Variants in ELP4 observed in about 807,000 individuals in gnomAD.
The protein encoded by ELP4 is elongator complex protein 4.
ELP4 carries 51 observed loss-of-function variants against 48.9 expected under a neutral mutation model. That is an observed-to-expected ratio of 1.04 (90% CI 0.83 to 1.32). The LOEUF (loss-of-function observed/expected upper bound fraction) is 1.32. ELP4 is among the 40% of genes most tolerant of loss of function. The probability of loss-of-function intolerance (pLI) is 0.00; values close to 1 mark genes in which losing one functional copy is unlikely to be tolerated. For synonymous variants in ELP4, 210 were observed against 189.2 expected (o/e 1.11, Z -0.90); for missense variants, 519 against 514.6 (o/e 1.01, Z -0.08).
rs1249885555 is a variant in ELP4, at chr11:31,784,537, A to G, written c.*1013A>G. The G allele has an allele frequency of 6.6e-6, 1 of 152,194 alleles. No individual in the cohort carries two copies. The highest frequency in any genetic ancestry group is 1.5e-5 in the Non-Finnish European group (1 of 67,970). 9.4% of individuals were successfully genotyped at this position (152,194 alleles called of 1,614,324 possible). A position where few individuals can be genotyped will look rare whatever the true frequency, so the allele number is the denominator to read the frequency against. On this transcript the variant is annotated 3_prime_UTR_variant, in exon 10 of 10. Coordinates refer to ENST00000640961, the MANE Select transcript of ELP4 (RefSeq NM_019040.5). ...AAGTTGAAAAGTAACTTGCATATTT[A>G]AGAGTCTTGATTTTTTAAAAGGTGT...
chr11:31,640,746 T>TTCCAAC (rs1945077750), intron 7 of ELP4, among the ~76,000 whole-genome samples: 1 of 152,092 alleles, frequency 6.6e-6, no homozygotes, highest in Middle Eastern at 3.4e-3. Context: ...GGCTGAAAGC[T>TTCCAAC]TCCAAAGAGT....
intron 6 of ELP4, 73 bp downstream of exon 6, chr11:31,627,267 G>T: frequency 6.8e-6 from 1 of 146,678 alleles, no homozygotes. Flanking sequence ...GGGGGGGGGC[G>T]GGAACCCAGA....
At position 31,603,873 on chromosome 11, in the gene ELP4, G is replaced by C; in HGVS notation, c.619G>C (p.Glu207Gln). ...ASNWHGFFLPEKISSTLKVEP... is the reference protein window; with the variant it reads ...ASNWHGFFLPQKISSTLKVEP... ...AAATTGGCATGGATTTTTTCTTCCA[G>C]AGAAAATATCTTCAACTCTCAAAGT... The change falls in exon 5 of 10, where the codon GAG becomes CAG. Residue 207 changes from glutamate to glutamine, a missense_variant. Transcript: ENST00000640961. 6.2e-7 allele frequency: 1 copy of C among 1,611,720 alleles called. No homozygotes were observed. Among genetic ancestry groups the C allele is most frequent in the Non-Finnish European group, 8.5e-7 (1 of 1,178,430 alleles).
rs56921821 is a variant in ELP4, at chr11:31,553,725, A to AACACACACACACACACACACAC, written c.381+13961_381+13982dup. Among the ~76,000 whole-genome samples the AACACACACACACACACACACAC allele has an allele frequency of 3.5e-4, 49 of 140,500 alleles. 2 individuals carry two copies. Among genetic ancestry groups the AACACACACACACACACACACAC allele is most frequent in the African/African-American group, 1.3e-3 (47 of 37,532 alleles). The allele number at this position is 140,500 out of a possible 152,430, so 92.2% of individuals were successfully genotyped here. On this transcript the variant is annotated intron_variant, in intron 3 of 9. Transcript: ENST00000640961. ...TACAATAAATCTCTTTGCACACACAAACACACACACACACACACACACACA... is the reference window on the plus strand; with the variant it reads ...TACAATAAATCTCTTTGCACACACAAACACACACACACACACACACACACACACACACACACACACACACACA...
intron 9 of ELP4, among the ~76,000 whole-genome samples, chr11:31,752,193 A>G (rs936298036): frequency 2.2e-4 from 34 of 152,162 alleles, no homozygotes; most frequent in Non-Finnish European, 8.8e-5. Context: ...CTACTACTAG[A>G]TAAGATTTCT....
intron 3 of ELP4, among the ~76,000 whole-genome samples, chr11:31,545,492 C>T (rs1251965118): frequency 1.3e-5 from 2 of 151,792 alleles, no homozygotes; most frequent in African/African-American, 2.4e-5. Context: ...TGTGAAAAGA[C>T]CAAATCTACG....
chr11:31,638,096 A>AT (rs890196769), intron 7 of ELP4, among the ~76,000 whole-genome samples: 2 of 151,802 alleles, frequency 1.3e-5, no homozygotes, highest in Non-Finnish European at 2.9e-5. Context: ...TTCTCACAGC[A>AT]TTTTTTTCAA....
At chr11:31,724,813 A>G (rs943955822) in intron 9 of ELP4, among the ~76,000 whole-genome samples, 17 of 152,236 alleles carry the variant, frequency 1.1e-4, no homozygotes, top group Non-Finnish European at 2.1e-4. Context: ...TCCCTTACAT[A>G]TATCTTTGTG....
chr11:31,698,421 A>T (rs1017436788), intron 9 of ELP4, among the ~76,000 whole-genome samples: 10 of 151,414 alleles, frequency 6.6e-5, no homozygotes, highest in African/African-American at 2.2e-4. Flanking sequence ...CCATAGAAAA[A>T]TTTTTTTTTG....
intron 3 of ELP4, among the ~76,000 whole-genome samples, chr11:31,576,252 G>C (rs918151024): frequency 6.6e-6 from 1 of 152,146 alleles, no homozygotes; most frequent in African/African-American, 2.4e-5. Context: ...TATCCTAAAT[G>C]TATATGCACC....
chr11:31,539,779 T>C lies in ELP4; in HGVS notation c.377T>C (p.Leu126Ser), dbSNP rs1221926870. 1.2e-6 allele frequency: 2 copies of C among 1,607,112 alleles called. No homozygotes were observed. Among genetic ancestry groups the C allele is most frequent in the South Asian group, 2.3e-5 (2 of 88,722 alleles). The stretch of plus-strand genomic sequence containing the variant: ...GCTAAAGAGGATCCTGCCAACATTT[T>C]ACAGGTATAGAATATATGAACTTAA... ...ASAKEDPANI[L>S]QELPAPLLDD... Residue 126 changes from leucine to serine, a missense_variant, in exon 3 of 10, where the codon TTA becomes TCA. Physicochemically the swap from Leu to Ser is moderately radical, Grantham distance 145. Coordinates refer to ENST00000640961, the MANE Select transcript of ELP4 (RefSeq NM_019040.5).
At chr11:31,761,282 G>T (rs1000050445) in intron 9 of ELP4, among the ~76,000 whole-genome samples, 20 of 150,916 alleles carry the variant, frequency 1.3e-4, no homozygotes, top group Non-Finnish European at 2.6e-4. Flanking sequence ...AGGCTGCAGT[G>T]AGCCATGATT....
At position 31,715,036 on chromosome 11, in the gene ELP4, A is replaced by C. The variant is rs1161260292; in HGVS notation, c.1143+64815A>C. On this transcript the variant is annotated intron_variant, in intron 9 of 9. Transcript: ENST00000640961. ...ATTCTGCCTACCACACATTTCTTTC[A>C]TTTTTACTCATCAGTAACCACTATG... 1.1e-5 allele frequency: 4 copies of C among 375,830 alleles called. No individual in the cohort carries two copies. The East Asian group carries it at 1.5e-4, about 14-fold the overall frequency. The allele number at this position is 375,830 out of a possible 1,614,324, so 23.3% of individuals were successfully genotyped here.
intron 9 of ELP4, among the ~76,000 whole-genome samples, chr11:31,722,291 G>A (rs1291602150): frequency 1.3e-5 from 2 of 152,268 alleles, no homozygotes; most frequent in South Asian, 4.1e-4. Flanking sequence ...TAAGACTTGA[G>A]AATTCAGGAA....
intron 9 of ELP4, among the ~76,000 whole-genome samples, chr11:31,684,061 T>C (rs1434775804): frequency 6.6e-6 from 1 of 152,200 alleles, no homozygotes; most frequent in Non-Finnish European, 1.5e-5. Flanking sequence ...GCTATGATCC[T>C]ACACAACTTT....
At position 31,787,961 on chromosome 11, in the gene ELP4, C is replaced by T; in HGVS notation, c.*4437C>T. On this transcript the variant is annotated 3_prime_UTR_variant, in exon 10 of 10. Transcript: ENST00000640961. ...GTGTCTTTGTCCCCAGAGGTTTCTG[C>T]ATGTGCAAGCATTTTAATCTAGACT... The T allele has an allele frequency of 4.5e-6, 1 of 221,808 alleles. No individual in the cohort carries two copies. The allele number at this position is 221,808 out of a possible 1,614,324, so 13.7% of individuals were successfully genotyped here.
At chr11:31,524,332 C>G (rs149456370) in intron 2 of ELP4, among the ~76,000 whole-genome samples, 1 of 152,210 alleles carries the variant, frequency 6.6e-6, no homozygotes, top group Admixed American at 6.5e-5. Flanking sequence ...CTTTCAAGCT[C>G]GTGGTTGTTT....
chr11:31,640,199 A>G (rs1392702937), intron 7 of ELP4, among the ~76,000 whole-genome samples: 1 of 151,978 alleles, frequency 6.6e-6, no homozygotes, highest in Non-Finnish European at 1.5e-5. Flanking sequence ...TATCTTCTAT[A>G]TCACTTTTTG....
chr11:31,510,008 G>A lies in ELP4; in HGVS notation c.223+1G>A. On this transcript the variant is annotated splice_donor_variant, in intron 1 of 9. Coordinates refer to ENST00000640961, the MANE Select transcript of ELP4 (RefSeq NM_019040.5). LOFTEE classifies it high-confidence loss of function. ...CTCCCAGCCCTAGACCAGCTCTTAG[G>A]TCGGTTCAGAGCGGAGATCTGGGCT... 6.2e-7 allele frequency: 1 copy of A among 1,610,590 alleles called. No individual in the cohort carries two copies. The highest frequency in any genetic ancestry group is 8.5e-7 in the Non-Finnish European group (1 of 1,179,326).
Sources: gnomAD v4.1 joint callset for allele counts (sites outside exome capture counted in the v4.1 genomes callset) on GRCh38, gnomAD v4.1.1 for gene constraint, MANE v1.5 for transcripts, NCBI Gene and HGNC (gene_info 2026-07-23, HGNC 2026-07-21) for gene names.